The following IGSF10 variants were observed in gnomAD, a reference collection of about 807,000 sequenced individuals.
IGSF10 encodes immunoglobulin superfamily member 10.
IGSF10 carries 126 observed loss-of-function variants against 128.2 expected under a neutral mutation model. The observed-to-expected ratio is 0.98, with a 90% CI of 0.85 to 1.14. IGSF10 has a LOEUF of 1.14. Ranked by LOEUF, IGSF10 falls within the 50% of genes most tolerant of loss-of-function variation. The pLI is 0.00. For missense variants in IGSF10, 3,295 were observed against 3,149.8 expected (o/e 1.05, Z -1.10); for synonymous variants, 1,185 against 1,146.2 (o/e 1.03, Z -0.68).
chr3:151,488,508 A>G, the IGSF10 span, among the ~76,000 whole-genome samples: 7 of 152,244 alleles, frequency 4.6e-5, no homozygotes, highest in African/African-American at 1.7e-4. Flanking sequence ...AAGAGCCCGC[A>G]TAGCCAAGAT....
the IGSF10 span, among the ~76,000 whole-genome samples, chr3:151,616,812 T>C: frequency 1.3e-5 from 2 of 152,200 alleles, no homozygotes; most frequent in South Asian, 4.1e-4. Flanking sequence ...TTGCTATAAC[T>C]GAATATCTGA....
chr3:151,592,361 C>T, the IGSF10 span, among the ~76,000 whole-genome samples: 2 of 152,022 alleles, frequency 1.3e-5, no homozygotes, highest in South Asian at 4.2e-4. Context: ...GCAAATTAGA[C>T]CCTTATTGTT....
chr3:151,560,261 C>G, the IGSF10 span, among the ~76,000 whole-genome samples: 1 of 152,014 alleles, frequency 6.6e-6, no homozygotes, highest in Admixed American at 6.6e-5. Context: ...CCTATGACAA[C>G]TTTTATCACC....
chr3:151,450,804 G>C (rs1378145829), intron 5 of IGSF10, among the ~76,000 whole-genome samples: 1 of 146,056 alleles, frequency 6.8e-6, no homozygotes, highest in East Asian at 2.1e-4. Context: ...GCTGAGGTAG[G>C]AGAATCACTT....
chr3:151,515,070 A>G, the IGSF10 span, among the ~76,000 whole-genome samples: 125,897 of 152,040 alleles, frequency 0.83, 52,228 homozygotes, highest in Middle Eastern at 0.95. Flanking sequence ...AAATTCCTCA[A>G]GGATCTAGAA....
At chr3:151,473,448 AC>A in the IGSF10 span, among the ~76,000 whole-genome samples, 2 of 152,252 alleles carry the variant, frequency 1.3e-5, no homozygotes, top group South Asian at 2.1e-4. Flanking sequence ...TTATAAAAAA[AC>A]AATCCAAGTG....
At chr3:151,499,910 A>C in the IGSF10 span, 1 of 152,146 alleles carries the variant, frequency 6.6e-6, no homozygotes, top group African/African-American at 2.4e-5. Context: ...TTTAATGATG[A>C]GCGACTTGGT....
Position 151,447,314 on chromosome 3 carries a change from A to G in IGSF10, c.2667T>C (p.His889=). Residue 889 remains histidine, a synonymous_variant, in exon 6 of 8, where the codon CAT becomes CAC. Coordinates refer to ENST00000282466, the MANE Select transcript of IGSF10 (RefSeq NM_178822.5). ...GTAGCAGTGGAAAGACAGTGGATGA[A>G]TGTTGATTGGTTGTGCCTTGTATTT... is the stretch of plus-strand genomic sequence containing the variant. ...SSQIQGTTNQ[H]SSTVFPLLLG... The G allele has an allele frequency of 6.2e-7, 1 of 1,614,166 alleles. No homozygotes were observed.
the IGSF10 span, among the ~76,000 whole-genome samples, chr3:151,510,490 C>T: frequency 6.6e-6 from 1 of 152,074 alleles, no homozygotes; most frequent in Non-Finnish European, 1.5e-5. Flanking sequence ...AGACCAAAGG[C>T]AGATAAAACC....
the IGSF10 span, among the ~76,000 whole-genome samples, chr3:151,582,680 TTGTC>T: frequency 8.5e-5 from 13 of 152,122 alleles, no homozygotes; most frequent in African/African-American, 1.7e-4. Flanking sequence ...CATCTATCTA[TTGTC>T]TGTCTATCTA....
At position 151,446,977 on chromosome 3, in the gene IGSF10, C is replaced by T. The variant is rs747054320; in HGVS notation, c.3004G>A (p.Val1002Ile). 1 of 1,614,184 alleles carries T rather than the reference C, an allele frequency of 6.2e-7. No individual in the cohort carries two copies. The highest frequency in any genetic ancestry group is 1.1e-5 in the South Asian group (1 of 91,090). Reference protein sequence around the residue: ...SQFPIPRNSTVNIPLFRRFGR... With the variant: ...SQFPIPRNSTINIPLFRRFGR... ...AAGCGTCTGAACAGCGGGATGTTAA[C>T]TGTACTATTTCTAGGGATCGGAAAC... Residue 1002 changes from valine to isoleucine, a missense_variant, in exon 6 of 8, where the codon GTT becomes ATT. Physicochemically the swap from Val to Ile is conservative, Grantham distance 29. Coordinates refer to ENST00000282466, the MANE Select transcript of IGSF10 (RefSeq NM_178822.5).
chr3:151,576,957 A>G, the IGSF10 span, among the ~76,000 whole-genome samples: 1 of 151,930 alleles, frequency 6.6e-6, no homozygotes, highest in Non-Finnish European at 1.5e-5. Context: ...TTTTTCCTTT[A>G]CTTTCTTAGT....
chr3:151,502,199 A>C, the IGSF10 span, among the ~76,000 whole-genome samples: 292 of 152,194 alleles, frequency 1.9e-3, 1 homozygote, highest in Non-Finnish European at 3.7e-3. Context: ...TGAAATGACA[A>C]GTTTTATCTT....
chr3:151,439,123 G>T (rs1223748378), intron 7 of IGSF10, among the ~76,000 whole-genome samples: 1 of 152,160 alleles, frequency 6.6e-6, no homozygotes, highest in East Asian at 1.9e-4. Flanking sequence ...TAATGAAGAG[G>T]CACATGCTAG....
the IGSF10 span, among the ~76,000 whole-genome samples, chr3:151,619,732 A>T: frequency 9.2e-5 from 14 of 152,070 alleles, no homozygotes; most frequent in African/African-American, 3.1e-4. Flanking sequence ...TTGGGAGGTG[A>T]TTGGGTTATT....
At chr3:151,509,449 T>C in the IGSF10 span, among the ~76,000 whole-genome samples, 1 of 152,180 alleles carries the variant, frequency 6.6e-6, no homozygotes, top group East Asian at 1.9e-4. Context: ...AAGACGACCA[T>C]GTTTTCCTTC....
the IGSF10 span, among the ~76,000 whole-genome samples, chr3:151,567,933 C>G: frequency 6.6e-6 from 1 of 152,146 alleles, no homozygotes; most frequent in African/African-American, 2.4e-5. Context: ...GTGCAAACAC[C>G]TTCTTCCTTC....
the IGSF10 span, among the ~76,000 whole-genome samples, chr3:151,585,825 T>G: frequency 6.6e-6 from 1 of 152,130 alleles, no homozygotes; most frequent in Non-Finnish European, 1.5e-5. Context: ...CCTTTACACA[T>G]TTTAGAAAAT....
At chr3:151,570,049 A>G in the IGSF10 span, among the ~76,000 whole-genome samples, 1 of 152,148 alleles carries the variant, frequency 6.6e-6, no homozygotes, top group Non-Finnish European at 1.5e-5. Flanking sequence ...CCGTGTCCCT[A>G]CAAAGGACAT....
Sources: gnomAD v4.1 joint callset for allele counts (sites outside exome capture counted in the v4.1 genomes callset) on GRCh38, gnomAD v4.1.1 for gene constraint, MANE v1.5 for transcripts, NCBI Gene and HGNC (gene_info 2026-07-23, HGNC 2026-07-21) for gene names.